The following KIF27 variants were observed in gnomAD, a reference collection of about 807,000 sequenced individuals.
The protein encoded by KIF27 is kinesin family member 27.
A neutral mutation model predicts 141.8 loss-of-function variants in KIF27; 84 were observed. That is an observed-to-expected ratio of 0.59 (90% CI 0.50 to 0.71). The LOEUF (loss-of-function observed/expected upper bound fraction) is 0.71, where lower values mean the gene tolerates loss of function less well. Ranked by LOEUF, KIF27 falls within the 30% of genes least tolerant of loss-of-function variation. The pLI, the probability that KIF27 is intolerant of heterozygous loss-of-function variation, is 0.00. For missense variants in KIF27, 1,306 were observed against 1,628.4 expected (o/e 0.80, Z 3.41); for synonymous variants, 471 against 569.5 (o/e 0.83, Z 2.46).
intron 2 of KIF27, among the ~76,000 whole-genome samples, chr9:83,910,579 A>C (rs1955048019): frequency 6.6e-6 from 1 of 152,246 alleles, no homozygotes; most frequent in Non-Finnish European, 1.5e-5. Flanking sequence ...ACAGGGACGT[A>C]AGCCAGAGTT....
intron 17 of KIF27, among the ~76,000 whole-genome samples, chr9:83,839,409 ACT>A (rs962405403): frequency 1.6e-4 from 24 of 152,030 alleles, no homozygotes; most frequent in African/African-American, 5.6e-4. Flanking sequence ...AGATCTTTTG[ACT>A]CTATTATCCT....
At position 83,910,909 on chromosome 9, in the gene KIF27, A is replaced by G. The variant is rs779522201; in HGVS notation, c.299-2257T>C. ...AGGAGCTACAAGGGGGAAGCAAACC[A>G]AATGTCCATCAAAAGAAGAATGGAT... is the stretch of plus-strand genomic sequence containing the variant. On this transcript the variant is annotated intron_variant, in intron 2 of 17. Coordinates refer to ENST00000297814, the MANE Select transcript of KIF27 (RefSeq NM_017576.4). 1.3e-3 allele frequency among the ~76,000 whole-genome samples: 193 copies of G among 152,256 alleles called. 2 individuals carry two copies. The highest frequency in any genetic ancestry group is 1.8e-3 in the Non-Finnish European group (122 of 68,028).
rs1171507592 is a variant in KIF27, at chr9:83,848,284, A to C, written c.3556+1815T>G. Among the ~76,000 whole-genome samples, 6 of 112,278 alleles carry C rather than the reference A, an allele frequency of 5.3e-5. 1 individual carries two copies. The highest frequency in any genetic ancestry group is 8.8e-5 in the Non-Finnish European group (5 of 56,916). The allele number at this position is 112,278 out of a possible 152,430, so 73.7% of individuals were successfully genotyped here. ...ATATGATATATCAGATATGATATAT[A>C]TGATATATCAGATATGATATATATG... On this transcript the variant is annotated intron_variant, in intron 16 of 17. Transcript: ENST00000297814.
At chr9:83,900,886 G>GA (rs1356225475) in intron 4 of KIF27, among the ~76,000 whole-genome samples, 189 of 133,898 alleles carry the variant, frequency 1.4e-3, no homozygotes, top group Middle Eastern at 7.8e-3. Context: ...TTACCTTTCA[G>GA]AAAAAAAAAA....
intron 2 of KIF27, among the ~76,000 whole-genome samples, chr9:83,909,201 G>T (rs1954887658): frequency 6.6e-6 from 1 of 151,870 alleles, no homozygotes; most frequent in African/African-American, 2.4e-5. Flanking sequence ...GTACCTGGAG[G>T]AAAAAAAATA....
intron 11 of KIF27, among the ~76,000 whole-genome samples, chr9:83,879,121 T>A (rs1283117326): frequency 1.3e-5 from 2 of 149,104 alleles, no homozygotes; most frequent in African/African-American, 2.5e-5. Flanking sequence ...GAGGTTGTGT[T>A]GAGCCGAGAT....
intron 13 of KIF27, among the ~76,000 whole-genome samples, chr9:83,865,117 T>A (rs1303366133): frequency 6.6e-6 from 1 of 152,090 alleles, no homozygotes; most frequent in Non-Finnish European, 1.5e-5. Flanking sequence ...GTTGAGAAAA[T>A]TTTTTATATG....
At chr9:83,912,740 C>T (rs2132749678) in intron 2 of KIF27, among the ~76,000 whole-genome samples, 2 of 152,280 alleles carry the variant, frequency 1.3e-5, no homozygotes, top group Middle Eastern at 6.8e-3. Context: ...CAACAACTCT[C>T]ATTTAGCTAT....
chr9:83,884,816 A>G (rs1951955425), intron 9 of KIF27, among the ~76,000 whole-genome samples: 1 of 152,228 alleles, frequency 6.6e-6, no homozygotes, highest in Non-Finnish European at 1.5e-5. Flanking sequence ...TCTCTTAAGA[A>G]TCTTTTCATC....
chr9:83,886,579 CA>C (rs977851122), intron 9 of KIF27, among the ~76,000 whole-genome samples: 9 of 150,612 alleles, frequency 6.0e-5, no homozygotes, highest in East Asian at 2.0e-4. Flanking sequence ...AATACACTGT[CA>C]AAAAAAAATT....
chr9:83,900,646 A>G (rs1413507398), intron 4 of KIF27, among the ~76,000 whole-genome samples: 1 of 151,850 alleles, frequency 6.6e-6, no homozygotes, highest in Non-Finnish European at 1.5e-5. Context: ...TGTTTACAGC[A>G]GCACAATTCG....
intron 17 of KIF27, among the ~76,000 whole-genome samples, chr9:83,840,087 C>CATT: frequency 6.6e-6 from 1 of 152,080 alleles, no homozygotes; most frequent in East Asian, 1.9e-4. Flanking sequence ...TTCAAACAAA[C>CATT]CTTGTTTCAT....
chr9:83,885,200 C>A (rs1588160459), intron 9 of KIF27, among the ~76,000 whole-genome samples: 2 of 152,314 alleles, frequency 1.3e-5, no homozygotes, highest in South Asian at 4.1e-4. Context: ...TCCAGCAATT[C>A]TCCTGCCACA....
chr9:83,835,764 A>G lies in KIF27; in HGVS notation c.*1237T>C, dbSNP rs1945760508. ...TTCAGCAAGGAAGTGGGTGACTCTG[A>G]GTAAGCATCCATGTCAGGATGGTTT... On this transcript the variant is annotated 3_prime_UTR_variant, in exon 18 of 18. Coordinates refer to ENST00000297814, the MANE Select transcript of KIF27 (RefSeq NM_017576.4). 6.6e-6 allele frequency: 1 copy of G among 152,232 alleles called. No homozygotes were observed. Among genetic ancestry groups the G allele is most frequent in the African/African-American group, 2.4e-5 (1 of 41,464 alleles). 9.4% of individuals were successfully genotyped at this position (152,232 alleles called of 1,614,324 possible).
At chr9:83,839,889 G>A (rs1444972820) in intron 17 of KIF27, among the ~76,000 whole-genome samples, 1 of 152,162 alleles carries the variant, frequency 6.6e-6, no homozygotes, top group Non-Finnish European at 1.5e-5. Context: ...GCTGCAGTGA[G>A]CTGAGATAGC....
chr9:83,838,394 C>T (rs1238942649), intron 17 of KIF27, among the ~76,000 whole-genome samples: 8 of 152,144 alleles, frequency 5.3e-5, no homozygotes, highest in Admixed American at 2.6e-4. Flanking sequence ...CCACCACGCC[C>T]GGCGAATTTT....
intron 11 of KIF27, among the ~76,000 whole-genome samples, chr9:83,878,161 CAAAAAAAAAAA>C (rs58897060): frequency 0.014 from 540 of 38,472 alleles, 14 homozygotes; most frequent in African/African-American, 0.04. Context: ...GACTCTGTCT[CAAAAAAAAAAA>C]AAAAAAAAAA....
Position 83,899,748 on chromosome 9 carries a change from T to C in KIF27, c.1515A>G (p.Glu505=). Residue 505 remains glutamate, a synonymous_variant, in exon 5 of 18, where the codon GAA becomes GAG. Transcript: ENST00000297814. ...CCATCATCTGCACTTGATTCTTCAG[T>C]TCCTTCACCTCCAGTTCCTTCTGAT... ...VFNQKELEVK[E]LKNQVQMMVQ... 6.2e-7 allele frequency: 1 copy of C among 1,613,646 alleles called. No homozygotes were observed. Among genetic ancestry groups the C allele is most frequent in the Non-Finnish European group, 8.5e-7 (1 of 1,179,640 alleles).
chr9:83,880,830 G>A (rs1307713937), intron 10 of KIF27, among the ~76,000 whole-genome samples: 1 of 152,104 alleles, frequency 6.6e-6, no homozygotes, highest in Non-Finnish European at 1.5e-5. Flanking sequence ...TATTTTAAGA[G>A]TCACTCTTAT....
Sources: gnomAD v4.1 joint callset for allele counts (sites outside exome capture counted in the v4.1 genomes callset) on GRCh38, gnomAD v4.1.1 for gene constraint, MANE v1.5 for transcripts, NCBI Gene and HGNC (gene_info 2026-07-23, HGNC 2026-07-21) for gene names.